TMEM132D: variants seen among roughly 807,000 people sequenced by gnomAD.
TMEM132D encodes the protein mature OL transmembrane protein.
TMEM132D carries 21 observed loss-of-function variants against 62.3 expected under a neutral mutation model. The ratio of observed to expected loss-of-function variants is 0.34; its 90% CI spans 0.24 to 0.49. The LOEUF (loss-of-function observed/expected upper bound fraction) is 0.49. Among genes scored for constraint, TMEM132D ranks in the 20% least tolerant of loss-of-function variants. TMEM132D has a pLI of 0.99. For missense variants in TMEM132D, 1,346 were observed against 1,402.8 expected, an observed-to-expected ratio of 0.96 and a Z score of 0.65; for synonymous variants, 621 against 575.6, an observed-to-expected ratio of 1.08 and a Z score of -1.13.
At chr12:129,392,347 C>T (rs1411252553) in intron 3 of TMEM132D, among the ~76,000 whole-genome samples, 12 of 151,884 alleles carry the variant, frequency 7.9e-5, no homozygotes, top group Non-Finnish European at 1.5e-4. Flanking sequence ...CATGAGCCAC[C>T]GCCCCCTGCC....
At chr12:129,470,448 C>A (rs1874060258) in intron 3 of TMEM132D, among the ~76,000 whole-genome samples, 1 of 152,128 alleles carries the variant, frequency 6.6e-6, no homozygotes, top group Admixed American at 6.6e-5. Flanking sequence ...GCCCTCCCTA[C>A]TTTGCGCCAG....
chr12:129,103,869 C>T (rs557843136), intron 5 of TMEM132D, among the ~76,000 whole-genome samples: 1 of 152,232 alleles, frequency 6.6e-6, no homozygotes, highest in African/African-American at 2.4e-5. Context: ...GAACTACAAA[C>T]CACTGCTCAA....
intron 5 of TMEM132D, among the ~76,000 whole-genome samples, chr12:129,104,571 A>G (rs1048825192): frequency 1.1e-4 from 16 of 152,230 alleles, no homozygotes; most frequent in Non-Finnish European, 2.1e-4. Context: ...GAGCTTCTGC[A>G]CAGCAAAAGA....
chr12:129,740,381 C>A (rs1473742705), intron 1 of TMEM132D, among the ~76,000 whole-genome samples: 1 of 151,956 alleles, frequency 6.6e-6, no homozygotes, highest in African/African-American at 2.4e-5. Context: ...TTATTATGGC[C>A]CAGGTACTGT....
At chr12:129,418,496 C>T (rs371015143) in intron 3 of TMEM132D, among the ~76,000 whole-genome samples, 15 of 151,912 alleles carry the variant, frequency 9.9e-5, no homozygotes, top group Middle Eastern at 3.4e-3. Flanking sequence ...CACTCATAAG[C>T]GGGAGTTGAA....
intron 1 of TMEM132D, among the ~76,000 whole-genome samples, chr12:129,889,599 T>C (rs1593200166): frequency 1.3e-5 from 2 of 152,366 alleles, no homozygotes; most frequent in South Asian, 2.1e-4. Context: ...CTTAAATCCA[T>C]GAAATGAGCT....
intron 3 of TMEM132D, among the ~76,000 whole-genome samples, chr12:129,385,625 GA>G (rs1458971435): frequency 2.6e-5 from 4 of 152,148 alleles, no homozygotes; most frequent in African/African-American, 9.7e-5. Flanking sequence ...AGAATTAGTT[GA>G]AAACACATAT....
At chr12:129,084,337 G>T (rs567219472) in intron 6 of TMEM132D, among the ~76,000 whole-genome samples, 160 bp downstream of exon 6, 1 of 152,286 alleles carries the variant, frequency 6.6e-6, no homozygotes, top group Non-Finnish European at 1.5e-5. Flanking sequence ...GAAAAACGCT[G>T]ATAAAGAATG....
chr12:129,439,869 T>C (rs962633754), intron 3 of TMEM132D, among the ~76,000 whole-genome samples: 1 of 152,198 alleles, frequency 6.6e-6, no homozygotes, highest in African/African-American at 2.4e-5. Flanking sequence ...GGATGTGTGC[T>C]TTGCTTTAAT....
intron 3 of TMEM132D, among the ~76,000 whole-genome samples, chr12:129,525,926 G>A (rs182525898): frequency 7.9e-4 from 121 of 152,256 alleles, no homozygotes; most frequent in Non-Finnish European, 1.6e-3. Flanking sequence ...GGAAAGTCAC[G>A]CCATTTTGAT....
rs1052974679 is a variant in TMEM132D, at chr12:129,799,227, T to C, written c.80-98529A>G. ...TTGCAGTGAGCTGAGATCGCGCCAC[T>C]GCACTCCAGCCTGGGCACACTCCAC... On this transcript the variant is annotated intron_variant, in intron 1 of 8. Transcript: ENST00000422113. 2.0e-5 allele frequency among the ~76,000 whole-genome samples: 3 copies of C among 152,002 alleles called. 1 individual carries two copies. The highest frequency in any genetic ancestry group is 4.2e-4 in the South Asian group (2 of 4,818).
intron 3 of TMEM132D, among the ~76,000 whole-genome samples, chr12:129,485,512 C>T (rs775504300): frequency 6.6e-6 from 1 of 152,204 alleles, no homozygotes; most frequent in Non-Finnish European, 1.5e-5. Context: ...AATGTGTTGT[C>T]CAATGGGCCA....
In TMEM132D at chr12:129,729,729, A is replaced by G. The variant is rs182435516; in HGVS notation, c.80-29031T>C. ...GACTTTGAGTTGTGTTACAGTTTAC[A>G]AGGAAGTTGGTTAGGGTGTACACTG... On this transcript the variant is annotated intron_variant, in intron 1 of 8. Transcript: ENST00000422113. 1.2e-4 allele frequency among the ~76,000 whole-genome samples: 19 copies of G among 152,302 alleles called. No individual in the cohort carries two copies. The East Asian group carries it at 2.5e-3, about 20-fold the overall frequency.
intron 4 of TMEM132D, among the ~76,000 whole-genome samples, chr12:129,216,398 G>A (rs999464033): frequency 1.3e-5 from 2 of 152,194 alleles, no homozygotes; most frequent in Non-Finnish European, 2.9e-5. Context: ...TGGTCTTAAT[G>A]GATTAAGGTG....
At chr12:129,694,130 C>A (rs991567651) in intron 2 of TMEM132D, among the ~76,000 whole-genome samples, 1 of 152,208 alleles carries the variant, frequency 6.6e-6, no homozygotes, top group Non-Finnish European at 1.5e-5. Flanking sequence ...TGTTTAAATT[C>A]TTTTAAACTA....
intron 4 of TMEM132D, among the ~76,000 whole-genome samples, chr12:129,275,532 G>A (rs1416384651): frequency 6.6e-6 from 1 of 152,168 alleles, no homozygotes; most frequent in Non-Finnish European, 1.5e-5. Flanking sequence ...TACACGCTCA[G>A]GAAACTTCAT....
intron 4 of TMEM132D, among the ~76,000 whole-genome samples, chr12:129,239,273 A>T (rs1267948436): frequency 1.3e-5 from 2 of 152,208 alleles, no homozygotes; most frequent in East Asian, 3.8e-4. Context: ...TGTTTAAGAA[A>T]TCCTTGCCAA....
intron 4 of TMEM132D, among the ~76,000 whole-genome samples, chr12:129,322,881 G>A (rs1868767664): frequency 6.6e-6 from 1 of 152,140 alleles, no homozygotes; most frequent in Admixed American, 6.5e-5. Context: ...CTGTTAACAT[G>A]CTTTGCAAAA....
chr12:129,518,544 CGTGT>C (rs374134048), intron 3 of TMEM132D, among the ~76,000 whole-genome samples: 4 of 99,454 alleles, frequency 4.0e-5, no homozygotes, highest in Non-Finnish European at 5.2e-5. Context: ...TACACATGTG[CGTGT>C]GTGTGTGTGT....
Sources: allele counts gnomAD v4.1 joint callset (sites outside exome capture counted in the v4.1 genomes callset), GRCh38; gene constraint gnomAD v4.1.1; transcripts MANE v1.5; gene names NCBI Gene and HGNC (gene_info 2026-07-23, HGNC 2026-07-21).